Variants in DGKB observed in about 807,000 individuals in gnomAD.
DGKB encodes diacylglycerol kinase beta.
Under a neutral mutation model 114.3 loss-of-function variants are expected in DGKB, and 67 were observed. The ratio of observed to expected loss-of-function variants is 0.59; its 90% CI spans 0.48 to 0.72. DGKB has a LOEUF of 0.72. Ranked by LOEUF, DGKB falls within the 30% of genes least tolerant of loss-of-function variation. The pLI is 0.00. For synonymous variants in DGKB, 398 were observed against 323.1 expected (o/e 1.23, Z -2.49); for missense variants, 907 against 975.2 (o/e 0.93, Z 0.93).
intron 23 of DGKB, among the ~76,000 whole-genome samples, chr7:14,330,894 T>A (rs1392880588): frequency 1.3e-5 from 2 of 152,006 alleles, no homozygotes; most frequent in Non-Finnish European, 2.9e-5. Flanking sequence ...TAAGAGTACC[T>A]GGTCTTATAT....
In DGKB at chr7:14,946,460, C is replaced by A. The variant is rs1257622506; in HGVS notation, c.-188+28236G>T. On this transcript the variant is annotated intron_variant, in intron 1 of 4. Transcript: ENST00000437998. ...GGCACTATTTTATTCAAACTGAATC[C>A]CCTCATCCAACATATATACACACAG... Among the ~76,000 whole-genome samples, 3 of 151,478 alleles carry A rather than the reference C, an allele frequency of 2.0e-5. No individual in the cohort carries two copies. The South Asian group carries it at 6.2e-4, about 31-fold the overall frequency.
At chr7:14,796,225 T>G (rs1291514347) in intron 2 of DGKB, among the ~76,000 whole-genome samples, 1 of 152,178 alleles carries the variant, frequency 6.6e-6, no homozygotes, top group Non-Finnish European at 1.5e-5. Flanking sequence ...AGGCCCACAG[T>G]AGAGGACCAT....
chr7:14,864,465 A>G (rs1374825983), intron 1 of DGKB, among the ~76,000 whole-genome samples: 1 of 152,194 alleles, frequency 6.6e-6, no homozygotes, highest in Admixed American at 6.5e-5. Context: ...TAGTGATACA[A>G]AGGTAAATGA....
intron 1 of DGKB, among the ~76,000 whole-genome samples, chr7:14,879,146 T>A (rs1388251332): frequency 6.6e-6 from 1 of 151,968 alleles, no homozygotes; most frequent in Admixed American, 6.5e-5. Context: ...AGACAATGAT[T>A]CACAGATTAA....
chr7:14,717,002 G>GA (rs903832870), intron 6 of DGKB, among the ~76,000 whole-genome samples: 7 of 150,292 alleles, frequency 4.7e-5, no homozygotes, highest in African/African-American at 1.2e-4. Flanking sequence ...GAAACTCAAA[G>GA]AAAAAAACAG....
At chr7:14,269,158 GC>G (rs1162698822) in intron 23 of DGKB, 1 of 152,264 alleles carries the variant, frequency 6.6e-6, no homozygotes, top group African/African-American at 2.4e-5. Flanking sequence ...CTGTGGAGCT[GC>G]TTGATCTCCT....
chr7:14,921,485 G>C (rs760738437), intron 1 of DGKB, among the ~76,000 whole-genome samples: 4 of 152,170 alleles, frequency 2.6e-5, no homozygotes, highest in Non-Finnish European at 2.9e-5. Context: ...TGTGAAAAAT[G>C]TAAGTTGTTT....
chr7:14,406,108 G>T (rs1823890180), intron 21 of DGKB, among the ~76,000 whole-genome samples: 1 of 152,020 alleles, frequency 6.6e-6, no homozygotes, highest in Non-Finnish European at 1.5e-5. Context: ...TAGAGATGCT[G>T]CCCCAGAGGG....
chr7:14,465,949 C>T (rs1780404038), intron 21 of DGKB, among the ~76,000 whole-genome samples: 1 of 151,914 alleles, frequency 6.6e-6, no homozygotes, highest in Middle Eastern at 3.4e-3. Flanking sequence ...ATGCATTATC[C>T]ATCGGATTTG....
intron 20 of DGKB, among the ~76,000 whole-genome samples, chr7:14,547,881 G>T (rs972339933): frequency 4.6e-5 from 7 of 152,072 alleles, no homozygotes; most frequent in Non-Finnish European, 8.8e-5. Context: ...CTACATCCTG[G>T]AGCATTTTTT....
chr7:14,401,912 T>G (rs1469127443), intron 21 of DGKB, among the ~76,000 whole-genome samples: 1 of 151,220 alleles, frequency 6.6e-6, no homozygotes, highest in Admixed American at 6.6e-5. Flanking sequence ...AAAGAAAGCC[T>G]CCATAGAGGA....
intron 21 of DGKB, among the ~76,000 whole-genome samples, chr7:14,363,390 T>C (rs778022136): frequency 1.3e-5 from 2 of 152,080 alleles, no homozygotes; most frequent in Admixed American, 6.6e-5. Flanking sequence ...CACACAAATA[T>C]TGTGAAATTG....
chr7:14,606,960 G>A (rs972597378), intron 17 of DGKB, among the ~76,000 whole-genome samples: 2 of 151,832 alleles, frequency 1.3e-5, no homozygotes, highest in African/African-American at 2.4e-5. Context: ...TAAGACCTTG[G>A]CAATGACCTT....
intron 23 of DGKB, among the ~76,000 whole-genome samples, chr7:14,217,625 A>AAGG (rs1308496388): frequency 6.6e-6 from 1 of 152,072 alleles, no homozygotes; most frequent in African/African-American, 2.4e-5. Context: ...CGTACATGAG[A>AAGG]AGGAGAAGAA....
intron 21 of DGKB, among the ~76,000 whole-genome samples, chr7:14,356,640 G>A (rs147973232): frequency 0.014 from 2,129 of 152,108 alleles, 33 homozygotes; most frequent in Admixed American, 0.029. Flanking sequence ...GATTACAGGC[G>A]TGAGCCACCA....
At chr7:14,778,326 A>G (rs1838525061) in intron 2 of DGKB, among the ~76,000 whole-genome samples, 1 of 152,146 alleles carries the variant, frequency 6.6e-6, no homozygotes, top group African/African-American at 2.4e-5. Context: ...TGCAGTCTCC[A>G]TTAAGCTAAT....
In DGKB at chr7:14,697,654, GAGAAAAAAAA is replaced by G. The variant is rs1263489922; in HGVS notation, c.591+431_591+440del. On this transcript the variant is annotated intron_variant, in intron 8 of 25. Transcript: ENST00000402815. ...AGGAATATATCAGGGTCCCAGACAA[GAGAAAAAAAA>G]AGAAAAAGAAAGAAAAGAAAAGGAA... Among the ~76,000 whole-genome samples the G allele has an allele frequency of 5.2e-5, 6 of 114,370 alleles. No homozygotes were observed. In the East Asian group the frequency reaches 1.5e-3, roughly 29 times the overall value. The allele number at this position is 114,370 out of a possible 152,430, so 75.0% of individuals were successfully genotyped here. A position where few individuals can be genotyped will look rare whatever the true frequency, so the allele number is the denominator to read the frequency against.
At chr7:14,906,752 C>G (rs548043446), upstream of DGKB, among the ~76,000 whole-genome samples, 7 of 152,154 alleles carry the variant, frequency 4.6e-5, no homozygotes, top group African/African-American at 1.7e-4. Flanking sequence ...TGCCCGGCCT[C>G]CAGAAATCCA....
intron 20 of DGKB, among the ~76,000 whole-genome samples, chr7:14,507,724 T>C (rs1787317134): frequency 2.6e-5 from 4 of 152,124 alleles, no homozygotes; most frequent in Non-Finnish European, 2.9e-5. Flanking sequence ...CTATGTACTA[T>C]CTATCGAAAT....
Sources: gnomAD v4.1 joint callset for allele counts (sites outside exome capture counted in the v4.1 genomes callset) on GRCh38, gnomAD v4.1.1 for gene constraint, MANE v1.5 for transcripts, NCBI Gene and HGNC (gene_info 2026-07-23, HGNC 2026-07-21) for gene names.